FBXO11: variants seen among roughly 807,000 people sequenced by gnomAD.
FBXO11 encodes the protein F-box protein 11, also known as F-box only protein 11.
FBXO11 carries 13 observed loss-of-function variants against 117.0 expected under a neutral mutation model. The observed-to-expected ratio is 0.11, with a 90% CI of 0.07 to 0.18. The LOEUF is 0.18. Ranked by LOEUF, FBXO11 falls within the 10% of genes least tolerant of loss-of-function variation. The pLI is 1.00. For missense variants in FBXO11, 767 were observed against 1,164.4 expected, an observed-to-expected ratio of 0.66 and a Z score of 4.97; for synonymous variants, 490 against 380.5, an observed-to-expected ratio of 1.29 and a Z score of -3.35.
Position 47,905,550 on chromosome 2 carries a change from A to T in FBXO11, c.171T>A (p.Pro57=). ...GCGGAGGCGGCGGTGGCGGCGGCGG[A>T]GGCTGCTGCTGCTGCTGCTGCTGCG... ...PPPQQQQQQQ[P]PPPPPPPPPL... The change falls in exon 1 of 23, where the codon CCT becomes CCA. Residue 57 remains proline (P), a synonymous_variant. Transcript: ENST00000403359. 1 of 1,239,084 alleles carries T rather than the reference A, an allele frequency of 8.1e-7. No individual in the cohort carries two copies. Among genetic ancestry groups the T allele is most frequent in the Admixed American group, 4.2e-5 (1 of 24,078 alleles). 76.8% of individuals were successfully genotyped at this position (1,239,084 alleles called of 1,614,324 possible).
chr2:47,880,883 G>C (rs1676379550), intron 1 of FBXO11, among the ~76,000 whole-genome samples: 1 of 152,190 alleles, frequency 6.6e-6, no homozygotes, highest in Non-Finnish European at 1.5e-5. Context: ...AAACCAGAGA[G>C]TGGGTTTTGC....
rs1670337974 is a variant in FBXO11 at position 47,807,954 on chromosome 2, C to T, written c.*164G>A. ...GAGATCCTGAGTCAATATATTGCCA[C>T]TTTCTTTTTGGTAGCTTGAGCTTCA... On this transcript the variant is annotated 3_prime_UTR_variant, in exon 23 of 23. Coordinates refer to ENST00000403359, the MANE Select transcript of FBXO11 (RefSeq NM_001190274.2). The T allele has an allele frequency of 1.5e-6, 1 of 650,164 alleles. No individual in the cohort carries two copies. The allele number at this position is 650,164 out of a possible 1,614,324, so 40.3% of individuals were successfully genotyped here.
intron 1 of FBXO11, among the ~76,000 whole-genome samples, chr2:47,865,250 TG>T (rs1277826846): frequency 1.3e-5 from 2 of 152,240 alleles, no homozygotes; most frequent in African/African-American, 4.8e-5. Context: ...CCTGCACAGA[TG>T]AACATCTTGA....
At chr2:47,832,068 T>C (rs915232464) in intron 11 of FBXO11, among the ~76,000 whole-genome samples, 10 of 152,308 alleles carry the variant, frequency 6.6e-5, no homozygotes, top group African/African-American at 2.4e-4. Flanking sequence ...TGGGTGGCTT[T>C]TATGAACACA....
chr2:47,876,582 C>T (rs1572889706), intron 1 of FBXO11, among the ~76,000 whole-genome samples: 1 of 152,188 alleles, frequency 6.6e-6, no homozygotes, highest in African/African-American at 2.4e-5. Context: ...ATCCTTTTAT[C>T]TTCTGGAAGA....
intron 17 of FBXO11, 45 bp downstream of exon 17, chr2:47,813,746 T>C (rs1268412679): frequency 4.0e-6 from 6 of 1,486,624 alleles, no homozygotes; most frequent in South Asian, 1.1e-5. Context: ...AAGGTGTATT[T>C]CTAAAGTTTA....
chr2:47,879,400 C>T (rs972569038), intron 1 of FBXO11, among the ~76,000 whole-genome samples: 1 of 152,166 alleles, frequency 6.6e-6, no homozygotes, highest in East Asian at 1.9e-4. Context: ...AGCAGCTTTT[C>T]CCCCAAAGCT....
chr2:47,808,313 C>T lies in FBXO11; in HGVS notation c.2654+16G>A, dbSNP rs1476099824. 5 of 1,612,104 alleles carry T rather than the reference C, an allele frequency of 3.1e-6. 1 individual carries two copies. Among genetic ancestry groups the T allele is most frequent in the Non-Finnish European group, 4.2e-6 (5 of 1,179,254 alleles). On this transcript the variant is annotated intron_variant, in intron 22 of 22. Transcript: ENST00000403359. ...GAAAGTAATTGGGTAATATATCAAG[C>T]AAGTGTGCTACATACCTATCATGTC...
At chr2:47,843,802 G>A (rs928155223) in intron 1 of FBXO11, among the ~76,000 whole-genome samples, 3 of 152,130 alleles carry the variant, frequency 2.0e-5, no homozygotes, top group South Asian at 2.1e-4. Flanking sequence ...GTGCAATGGC[G>A]TGATCTCGGC....
intron 1 of FBXO11, among the ~76,000 whole-genome samples, chr2:47,849,525 T>C (rs758877785): frequency 1.3e-5 from 2 of 152,204 alleles, no homozygotes; most frequent in Non-Finnish European, 2.9e-5. Flanking sequence ...TGCTAGGTAT[T>C]GGTGACACAG....
rs1671268853 is a variant in FBXO11, at chr2:47,820,007, A to C, written c.1797+355T>G. 2.0e-5 allele frequency among the ~76,000 whole-genome samples: 3 copies of C among 152,234 alleles called. No homozygotes were observed. The South Asian group carries it at 6.2e-4, about 31-fold the overall frequency. On this transcript the variant is annotated intron_variant, in intron 14 of 22. Transcript: ENST00000403359. ...GTGGCAGAACTTCAGTGACTCATAC[A>C]GTAGTCATACTCGTAAAATTCTGGT...
chr2:47,901,083 G>C (rs1313512716), intron 1 of FBXO11, among the ~76,000 whole-genome samples: 8 of 124,370 alleles, frequency 6.4e-5, no homozygotes, highest in Non-Finnish European at 1.2e-4. Context: ...ACACACGTGT[G>C]TACATATATA....
chr2:47,898,578 C>G (rs1677851638), intron 1 of FBXO11, among the ~76,000 whole-genome samples: 1 of 152,158 alleles, frequency 6.6e-6, no homozygotes, highest in Non-Finnish European at 1.5e-5. Context: ...GCTTAATGAT[C>G]TCATCAACAC....
intron 1 of FBXO11, among the ~76,000 whole-genome samples, chr2:47,897,245 A>G (rs1208822874): frequency 1.3e-5 from 2 of 152,332 alleles, no homozygotes; most frequent in East Asian, 3.9e-4. Context: ...AGAAAAATCA[A>G]TGCTTGGATA....
chr2:47,839,024 A>G (rs778036160), intron 3 of FBXO11, 21 bp from the exon 4 acceptor site: 2 of 1,590,998 alleles, frequency 1.3e-6, no homozygotes, highest in Admixed American at 3.5e-5. Flanking sequence ...ATTAACATAT[A>G]AACTATCATT....
At chr2:47,888,657 T>A in intron 1 of FBXO11, 1 of 982,788 alleles carries the variant, frequency 1.0e-6, no homozygotes, top group Non-Finnish European at 1.2e-6. Flanking sequence ...GAATAACACT[T>A]AAAATTTCCT....
At chr2:47,847,898 G>C (rs1159936209) in intron 1 of FBXO11, among the ~76,000 whole-genome samples, 1 of 152,088 alleles carries the variant, frequency 6.6e-6, no homozygotes, top group Non-Finnish European at 1.5e-5. Flanking sequence ...GCTGAGGCGG[G>C]TGGATCATGA....
In FBXO11 at chr2:47,866,101, T is replaced by G. The variant is rs1675173412; in HGVS notation, c.233-26332A>C. The stretch of plus-strand genomic sequence containing the variant: ...ACTCCCATCTCTACCGAAAAAAAAT[T>G]GGCTGGGCATGGTGGCACACAACTG... On this transcript the variant is annotated intron_variant, in intron 1 of 22. Coordinates refer to ENST00000403359, the MANE Select transcript of FBXO11 (RefSeq NM_001190274.2). 2.0e-5 allele frequency among the ~76,000 whole-genome samples: 3 copies of G among 151,546 alleles called. No individual in the cohort carries two copies. The South Asian group carries it at 6.3e-4, about 32-fold the overall frequency.
intron 1 of FBXO11, among the ~76,000 whole-genome samples, chr2:47,878,926 C>G (rs987888647): frequency 6.6e-6 from 1 of 151,992 alleles, no homozygotes; most frequent in Admixed American, 6.6e-5. Context: ...TTGTAGTGAG[C>G]TGAGATCACG....
Sources: gnomAD v4.1 joint callset for allele counts (sites outside exome capture counted in the v4.1 genomes callset) on GRCh38, gnomAD v4.1.1 for gene constraint, MANE v1.5 for transcripts, NCBI Gene and HGNC (gene_info 2026-07-23, HGNC 2026-07-21) for gene names.